GABRR2: variants seen among roughly 807,000 people sequenced by gnomAD.
The protein encoded by GABRR2 is gamma-aminobutyric acid receptor subunit rho-2.
In GABRR2, 36 loss-of-function variants were observed where a neutral mutation model predicts 47.0. The ratio of observed to expected loss-of-function variants is 0.77; its 90% confidence interval spans 0.59 to 1.01. The LOEUF is 1.01. Ranked by LOEUF, GABRR2 falls within the 50% of genes least tolerant of loss-of-function variation. The pLI is 0.00. For missense variants in GABRR2, 587 were observed against 594.6 expected, an observed-to-expected ratio of 0.99 and a Z score of 0.13; for synonymous variants, 204 against 227.5, an observed-to-expected ratio of 0.90 and a Z score of 0.93.
chr6:89,285,972 C>T (rs1262078515), intron 2 of GABRR2, among the ~76,000 whole-genome samples: 1 of 151,954 alleles, frequency 6.6e-6, no homozygotes, highest in Non-Finnish European at 1.5e-5. Flanking sequence ...CTCCCAAGGG[C>T]CTTGGGCCCT....
intron 8 of GABRR2, among the ~76,000 whole-genome samples, chr6:89,258,720 CT>C (rs1188851826): frequency 7.2e-6 from 1 of 138,896 alleles, no homozygotes; most frequent in Non-Finnish European, 1.5e-5. Context: ...AACCCTGTCT[CT>C]TTTTTTTAAA....
chr6:89,290,687 TG>T (rs1774424043), intron 2 of GABRR2, among the ~76,000 whole-genome samples: 1 of 152,186 alleles, frequency 6.6e-6, no homozygotes, highest in African/African-American at 2.4e-5. Context: ...ACCTCCTGCT[TG>T]GTTCTGCCAA....
chr6:89,267,837 C>T lies in GABRR2; in HGVS notation c.596-18G>A, dbSNP rs367973820. 6.2e-6 allele frequency: 10 copies of T among 1,606,404 alleles called. No individual in the cohort carries two copies. The highest frequency in any genetic ancestry group is 6.8e-6 in the Non-Finnish European group (8 of 1,175,716). On this transcript the variant is annotated intron_variant, in intron 5 of 8. Transcript: ENST00000402938. Reference sequence around the variant, plus strand: ...ATAGGCATCTTTGGGAAGAGGAAAACAAGTTAATTTGACTCCTTCGCTTCT... The same window carrying T: ...ATAGGCATCTTTGGGAAGAGGAAAATAAGTTAATTTGACTCCTTCGCTTCT...
chr6:89,298,900 G>T (rs1307214048), intron 2 of GABRR2, among the ~76,000 whole-genome samples: 3 of 152,160 alleles, frequency 2.0e-5, no homozygotes, highest in Non-Finnish European at 4.4e-5. Flanking sequence ...GAGCTGCCTT[G>T]CCCCACCCAC....
chr6:89,274,262 A>G (rs1774115117), intron 2 of GABRR2, among the ~76,000 whole-genome samples: 1 of 152,134 alleles, frequency 6.6e-6, no homozygotes, highest in Admixed American at 6.5e-5. Context: ...TCTATTCAGG[A>G]GGTCCCAAAG....
chr6:89,271,972 T>A (rs1444280947), intron 2 of GABRR2, among the ~76,000 whole-genome samples: 1 of 152,206 alleles, frequency 6.6e-6, no homozygotes, highest in Non-Finnish European at 1.5e-5. Flanking sequence ...GCTTATTGGA[T>A]GAATCAATGA....
chr6:89,258,421 A>C (rs979584211), intron 8 of GABRR2, among the ~76,000 whole-genome samples: 2 of 151,994 alleles, frequency 1.3e-5, no homozygotes, highest in Non-Finnish European at 2.9e-5. Context: ...AAAGATGATT[A>C]GGAGCCAGGC....
intron 2 of GABRR2, among the ~76,000 whole-genome samples, chr6:89,274,685 G>A (rs924284508): frequency 2.6e-5 from 4 of 151,846 alleles, no homozygotes; most frequent in African/African-American, 9.7e-5. Flanking sequence ...TCAATAACAC[G>A]GCGAAACCCT....
chr6:89,270,207 A>G (rs1415327752), intron 3 of GABRR2, among the ~76,000 whole-genome samples: 1 of 152,144 alleles, frequency 6.6e-6, no homozygotes, highest in Non-Finnish European at 1.5e-5. Context: ...CCTTCTGGCT[A>G]TTTCCCTTCT....
At chr6:89,294,797 C>T (rs1445060277) in intron 2 of GABRR2, among the ~76,000 whole-genome samples, 9 of 121,904 alleles carry the variant, frequency 7.4e-5, no homozygotes, top group African/African-American at 2.5e-4. Flanking sequence ...CCCCTCCCCC[C>T]ACCCCACAAC....
chr6:89,268,948 A>G (rs1773976932), intron 4 of GABRR2, 63 bp downstream of exon 4: 2 of 1,461,488 alleles, frequency 1.4e-6, no homozygotes, highest in Non-Finnish European at 1.9e-6. Flanking sequence ...TCAGGGCCAA[A>G]GGGCCTGACC....
At chr6:89,299,323 C>T (rs1377133760) in intron 2 of GABRR2, among the ~76,000 whole-genome samples, 1 of 152,180 alleles carries the variant, frequency 6.6e-6, no homozygotes, top group Non-Finnish European at 1.5e-5. Context: ...CAGAATTCCA[C>T]TCACACCCAG....
chr6:89,302,931 G>A, intron 1 of GABRR2: 2 of 1,189,558 alleles, frequency 1.7e-6, no homozygotes, highest in Non-Finnish European at 1.2e-6. Flanking sequence ...ACATGTTCCA[G>A]CACAAGGCCT....
chr6:89,271,688 C>T lies in GABRR2; in HGVS notation c.255G>A (p.Val85=), dbSNP rs970151310. ...CCTCGGAGATGCTGTCCAGGCTCTC[C>T]ACCTGTACGTCCACGCCCACCGGGA... ...PAIPVGVDVQ[V]ESLDSISEVD... is the part of the protein sequence containing the mutation. Residue 85 remains valine, a synonymous_variant, in exon 3 of 9, where the codon GTG becomes GTA. Coordinates refer to ENST00000402938, the MANE Select transcript of GABRR2 (RefSeq NM_002043.5). 1.2e-6 allele frequency: 2 copies of T among 1,612,668 alleles called. No individual in the cohort carries two copies. The highest frequency in any genetic ancestry group is 1.7e-6 in the Non-Finnish European group (2 of 1,179,432).
intron 1 of GABRR2, among the ~76,000 whole-genome samples, chr6:89,310,507 A>C (rs1188304409): frequency 2.6e-5 from 4 of 151,600 alleles, no homozygotes; most frequent in Non-Finnish European, 4.4e-5. Context: ...TTCTCTCTCT[A>C]CCCTCTCTTT....
At chr6:89,310,894 A>G (rs1249037799) in intron 1 of GABRR2, among the ~76,000 whole-genome samples, 1 of 152,210 alleles carries the variant, frequency 6.6e-6, no homozygotes, top group Non-Finnish European at 1.5e-5. Context: ...CAGATGGAAG[A>G]GGAAGCTATG....
At chr6:89,301,822 A>G in intron 1 of GABRR2, 1 of 979,992 alleles carries the variant, frequency 1.0e-6, no homozygotes, top group Non-Finnish European at 1.6e-6. Flanking sequence ...CCAGTGCGGC[A>G]ACTAGATCGG....
intron 6 of GABRR2, among the ~76,000 whole-genome samples, chr6:89,267,052 T>C (rs1356912034): frequency 7.1e-6 from 1 of 140,688 alleles, no homozygotes; most frequent in Non-Finnish European, 1.5e-5. Context: ...CAGGCTGGAG[T>C]GCAGTGGCGC....
Position 89,255,304 on chromosome 6 carries a change from G to C in GABRR2, c.*2366C>G, listed in dbSNP as rs1414133726. Among the ~76,000 whole-genome samples, 1 of 152,150 alleles carries C rather than the reference G, an allele frequency of 6.6e-6. No individual in the cohort carries two copies. The highest frequency in any genetic ancestry group is 1.5e-5 in the Non-Finnish European group (1 of 68,022). ...AATACAAAAGTTAGCCAGGCATGGTGGCGCATGCCTGTAATCCCAGCTACT... is the reference window on the plus strand; with the variant it reads ...AATACAAAAGTTAGCCAGGCATGGTCGCGCATGCCTGTAATCCCAGCTACT... On this transcript the variant is annotated 3_prime_UTR_variant, in exon 9 of 9. Transcript: ENST00000402938.
Sources: gnomAD v4.1 joint callset for allele counts (sites outside exome capture counted in the v4.1 genomes callset) on GRCh38, gnomAD v4.1.1 for gene constraint, MANE v1.5 for transcripts, NCBI Gene and HGNC (gene_info 2026-07-23, HGNC 2026-07-21) for gene names.